GUCY1A2: variants seen among roughly 807,000 people sequenced by gnomAD.
GUCY1A2 encodes guanylate cyclase soluble subunit alpha-2.
A neutral mutation model predicts 63.5 loss-of-function variants in GUCY1A2; 27 were observed. That is an observed-to-expected ratio of 0.43 (90% CI 0.31 to 0.59). The LOEUF is 0.59. Ranked by LOEUF, GUCY1A2 falls within the 20% of genes least tolerant of loss-of-function variation. GUCY1A2 has a pLI of 0.11. For synonymous variants in GUCY1A2, 364 were observed against 343.5 expected (o/e 1.06, Z -0.66); for missense variants, 768 against 913.3 (o/e 0.84, Z 2.05).
rs191905402 is a variant in GUCY1A2, at chr11:106,788,749, C to T, written c.1693-12167G>A. On this transcript the variant is annotated intron_variant, in intron 5 of 7. Coordinates refer to ENST00000526355, the MANE Select transcript of GUCY1A2 (RefSeq NM_000855.3). ...TATATTCTGGGTTCTCTGTTCTGTT[C>T]CACTGGTCAATGTGTTGGTCTTTAT... 1.7e-4 allele frequency among the ~76,000 whole-genome samples: 26 copies of T among 152,232 alleles called. 1 individual carries two copies. The highest frequency in any genetic ancestry group is 1.1e-3 in the Admixed American group (17 of 15,292).
chr11:106,888,230 G>T (rs554063433), intron 4 of GUCY1A2, among the ~76,000 whole-genome samples: 4 of 152,136 alleles, frequency 2.6e-5, no homozygotes, highest in African/African-American at 4.8e-5. Context: ...AGGCCAAGGC[G>T]GGTGGATCAT....
At chr11:106,690,060 A>G (rs904390638) in intron 7 of GUCY1A2, among the ~76,000 whole-genome samples, 9 of 152,066 alleles carry the variant, frequency 5.9e-5, no homozygotes, top group African/African-American at 2.2e-4. Flanking sequence ...GAACATGTAT[A>G]CACAGTTGTT....
chr11:106,746,764 C>T (rs12421303), intron 6 of GUCY1A2: 25,339 of 549,258 alleles, frequency 0.046, 959 homozygotes, highest in African/African-American at 0.15. Context: ...GCCAATGTCA[C>T]TGAGGTTGAC....
chr11:106,965,783 T>C lies in GUCY1A2; in HGVS notation c.487+12836A>G, dbSNP rs551542940. On this transcript the variant is annotated intron_variant, in intron 3 of 7. Transcript: ENST00000526355. ...ATGATGAACACCACTCGGGACTTTGTCTAGCCCAAAATACAATGCTACAGC... is the reference window on the plus strand; with the variant it reads ...ATGATGAACACCACTCGGGACTTTGCCTAGCCCAAAATACAATGCTACAGC... Among the ~76,000 whole-genome samples the C allele has an allele frequency of 2.0e-5, 3 of 152,228 alleles. No individual in the cohort carries two copies. The East Asian group carries it at 5.8e-4, about 30-fold the overall frequency.
chr11:106,890,950 A>G (rs1217219377), intron 4 of GUCY1A2, among the ~76,000 whole-genome samples: 1 of 152,134 alleles, frequency 6.6e-6, no homozygotes, highest in African/African-American at 2.4e-5. Flanking sequence ...TTGTGTGCAA[A>G]TCTTTTTATG....
intron 6 of GUCY1A2, among the ~76,000 whole-genome samples, chr11:106,741,374 C>G (rs1483947050): frequency 6.6e-6 from 1 of 152,132 alleles, no homozygotes; most frequent in Non-Finnish European, 1.5e-5. Context: ...GACAGCAGCT[C>G]TGGAGCTGCA....
chr11:106,989,538 T>TA (rs1458891592), intron 1 of GUCY1A2, among the ~76,000 whole-genome samples: 1 of 152,148 alleles, frequency 6.6e-6, no homozygotes, highest in African/African-American at 2.4e-5. Flanking sequence ...ATGGCTATGC[T>TA]AAGCTGAAAA....
rs553101616 is a variant in GUCY1A2, at chr11:106,920,613, G to C, written c.1206+18847C>G. Among the ~76,000 whole-genome samples, 30 of 152,094 alleles carry C rather than the reference G, an allele frequency of 2.0e-4. No homozygotes were observed. In the South Asian group the frequency reaches 6.0e-3, roughly 30 times the overall value. On this transcript the variant is annotated intron_variant, in intron 4 of 7. Coordinates refer to ENST00000526355, the MANE Select transcript of GUCY1A2 (RefSeq NM_000855.3). Reference sequence around the variant, plus strand: ...TTTAATGGATTAAACATTTCCATTTGTTTAAACATTTCCATTTGTTTATCA... The same window carrying C: ...TTTAATGGATTAAACATTTCCATTTCTTTAAACATTTCCATTTGTTTATCA...
In GUCY1A2 at chr11:106,893,889, C is replaced by T. The variant is rs1488784938; in HGVS notation, c.1206+45571G>A. Among the ~76,000 whole-genome samples, 4 of 152,140 alleles carry T rather than the reference C, an allele frequency of 2.6e-5. No homozygotes were observed. In the East Asian group the frequency reaches 7.7e-4, roughly 29 times the overall value. On this transcript the variant is annotated intron_variant, in intron 4 of 7. Transcript: ENST00000526355. ...ACCCAGTCATCCCGGAGACTGCACA[C>T]TTTTGTGATTATTACTTCATGGAGC... is the stretch of plus-strand genomic sequence containing the variant.
intron 7 of GUCY1A2, among the ~76,000 whole-genome samples, chr11:106,699,831 G>C (rs1591235454): frequency 1.3e-5 from 2 of 151,292 alleles, no homozygotes; most frequent in South Asian, 2.1e-4. Context: ...GCCCAGGCTG[G>C]AGTGCAGTGG....
At chr11:106,872,345 C>T (rs912662868) in intron 4 of GUCY1A2, among the ~76,000 whole-genome samples, 5 of 152,096 alleles carry the variant, frequency 3.3e-5, no homozygotes, top group African/African-American at 4.8e-5. Context: ...ATAAGTGACA[C>T]TCATATTCCT....
intron 4 of GUCY1A2, among the ~76,000 whole-genome samples, chr11:106,899,808 G>A (rs1336749630): frequency 2.0e-5 from 3 of 152,094 alleles, no homozygotes; most frequent in Non-Finnish European, 4.4e-5. Flanking sequence ...TCTATGGCCG[G>A]GCACGGTGGC....
chr11:106,699,288 ATG>A (rs1458187372), intron 7 of GUCY1A2, among the ~76,000 whole-genome samples: 3 of 152,214 alleles, frequency 2.0e-5, no homozygotes, highest in Admixed American at 6.5e-5. Flanking sequence ...GGAAAGGAAA[ATG>A]TAAGGAGTGA....
chr11:107,009,790 G>A (rs893184122), intron 1 of GUCY1A2, among the ~76,000 whole-genome samples: 2 of 152,194 alleles, frequency 1.3e-5, no homozygotes, highest in African/African-American at 2.4e-5. Context: ...CCCAAAGGAA[G>A]CGACTTTCAG....
chr11:106,687,735 A>G lies in GUCY1A2; in HGVS notation c.2013T>C (p.Ser671=). The change falls in exon 8 of 8, where the codon AGT becomes AGC. Residue 671 remains serine (S), a synonymous_variant. Transcript: ENST00000526355. ...CACGAGACCGCGGAATGAATGTGAA[A>G]CTTTCTTCTCGTTTTAATAATCTAA... ...TTYQLLKREE[S]FTFIPRSREE... The G allele has an allele frequency of 1.2e-6, 2 of 1,610,668 alleles. No homozygotes were observed. Among genetic ancestry groups the G allele is most frequent in the Non-Finnish European group, 1.7e-6 (2 of 1,176,840 alleles).
chr11:106,912,091 T>G (rs998636494), intron 4 of GUCY1A2, among the ~76,000 whole-genome samples: 3 of 151,974 alleles, frequency 2.0e-5, no homozygotes, highest in Admixed American at 2.0e-4. Flanking sequence ...AAAATAAAAA[T>G]CAATATAAGT....
chr11:106,768,905 C>A (rs150657523), intron 6 of GUCY1A2, among the ~76,000 whole-genome samples: 5 of 152,136 alleles, frequency 3.3e-5, no homozygotes, highest in African/African-American at 1.2e-4. Context: ...GAAAGCCCTC[C>A]CCACTTTGAG....
chr11:106,993,293 A>G (rs1861494161), intron 1 of GUCY1A2, among the ~76,000 whole-genome samples: 1 of 152,220 alleles, frequency 6.6e-6, no homozygotes. Flanking sequence ...CAAATTCCAC[A>G]ACTTAATCAG....
chr11:106,815,144 T>C (rs1858814104), intron 4 of GUCY1A2, among the ~76,000 whole-genome samples: 1 of 151,434 alleles, frequency 6.6e-6, no homozygotes, highest in Non-Finnish European at 1.5e-5. Flanking sequence ...GCAACAAAAA[T>C]AGAAAACATG....
Sources: allele counts gnomAD v4.1 joint callset (sites outside exome capture counted in the v4.1 genomes callset), GRCh38; gene constraint gnomAD v4.1.1; transcripts MANE v1.5; gene names NCBI Gene and HGNC (gene_info 2026-07-23, HGNC 2026-07-21).